Variants in PPFIA2 observed in about 807,000 individuals in gnomAD.
PPFIA2 encodes PPFI scaffold protein A2.
PPFIA2 carries 46 observed loss-of-function variants against 175.5 expected under a neutral mutation model. That is an observed-to-expected ratio of 0.26 (90% confidence interval 0.21 to 0.34). The LOEUF (loss-of-function observed/expected upper bound fraction) is 0.34. Among genes scored for constraint, PPFIA2 ranks in the 10% least tolerant of loss-of-function variants. The pLI, the probability that PPFIA2 is intolerant of heterozygous loss-of-function variation, is 1.00. For synonymous variants in PPFIA2, 568 were observed against 511.4 expected (o/e 1.11, Z -1.49); for missense variants, 1,179 against 1,506.1 (o/e 0.78, Z 3.60).
At chr12:81,386,133 T>A (rs1160080951) in intron 8 of PPFIA2, among the ~76,000 whole-genome samples, 2 of 145,124 alleles carry the variant, frequency 1.4e-5, no homozygotes, top group African/African-American at 5.1e-5. Flanking sequence ...AAAAAAAAAA[T>A]AGGGTGTGGT....
chr12:81,669,086 C>A (rs2070919668), intron 4 of PPFIA2, among the ~76,000 whole-genome samples: 1 of 151,956 alleles, frequency 6.6e-6, no homozygotes, highest in African/African-American at 2.4e-5. Context: ...AGACATACGG[C>A]ATTCTAAATT....
At chr12:81,738,433 T>C (rs1333479785) in intron 3 of PPFIA2, among the ~76,000 whole-genome samples, 16 of 151,830 alleles carry the variant, frequency 1.1e-4, no homozygotes, top group Admixed American at 5.3e-4. Context: ...GAAAGAATAA[T>C]TGGTAACATA....
chr12:81,675,795 TA>T (rs1182481131), intron 4 of PPFIA2: 1 of 152,058 alleles, frequency 6.6e-6, no homozygotes, highest in Non-Finnish European at 1.5e-5. Flanking sequence ...GTAATAGGTC[TA>T]GGGGATAAAT....
chr12:81,613,720 G>A (rs1218013704), intron 4 of PPFIA2, among the ~76,000 whole-genome samples: 1 of 152,092 alleles, frequency 6.6e-6, no homozygotes, highest in Middle Eastern at 3.2e-3. Flanking sequence ...GGAACTTCTA[G>A]TGTATCACTG....
At chr12:81,684,427 T>C (rs973768354) in intron 3 of PPFIA2, among the ~76,000 whole-genome samples, 2 of 152,086 alleles carry the variant, frequency 1.3e-5, no homozygotes, top group African/African-American at 4.8e-5. Context: ...TGAATACCTA[T>C]CATCAGCCTA....
At chr12:81,494,808 A>G (rs1409031608) in intron 4 of PPFIA2, among the ~76,000 whole-genome samples, 1 of 151,734 alleles carries the variant, frequency 6.6e-6, no homozygotes, top group African/African-American at 2.4e-5. Flanking sequence ...CATGGATGAA[A>G]TTGGAAATCA....
Position 81,259,418 on chromosome 12 carries a change from A to G in PPFIA2, c.*276T>C. The G allele has an allele frequency of 1.5e-6, 1 of 660,050 alleles. No homozygotes were observed. Among genetic ancestry groups the G allele is most frequent in the East Asian group, 2.9e-5 (1 of 34,918 alleles). 40.9% of individuals were successfully genotyped at this position (660,050 alleles called of 1,614,324 possible). ...ACAACTGGCTTCATTTCATAAAAGC[A>G]TCTGTTGTACAGAGTTTATGATGTA... is the stretch of plus-strand genomic sequence containing the variant. On this transcript the variant is annotated 3_prime_UTR_variant, in exon 33 of 33. Coordinates refer to ENST00000549396, the MANE Select transcript of PPFIA2 (RefSeq NM_003625.5).
chr12:81,444,110 TC>T (rs950233229), intron 6 of PPFIA2, among the ~76,000 whole-genome samples: 24 of 151,926 alleles, frequency 1.6e-4, no homozygotes, highest in African/African-American at 5.6e-4. Context: ...CGCCTCGGCC[TC>T]CCAAAGTGCT....
chr12:81,581,243 C>T (rs2074359874), intron 4 of PPFIA2, among the ~76,000 whole-genome samples: 1 of 150,160 alleles, frequency 6.7e-6, no homozygotes, highest in Non-Finnish European at 1.5e-5. Context: ...AGTGTTGGGA[C>T]AGGGGTTGAG....
At chr12:81,320,039 ACAGT>A (rs10564564) in intron 22 of PPFIA2, among the ~76,000 whole-genome samples, 23,989 of 151,898 alleles carry the variant, frequency 0.16, 2,024 homozygotes, top group Middle Eastern at 0.22. Context: ...GTTCTGGAAT[ACAGT>A]TCATTTAAAA....
intron 7 of PPFIA2, among the ~76,000 whole-genome samples, chr12:81,416,558 T>C (rs1289182416): frequency 6.6e-6 from 1 of 151,616 alleles, no homozygotes; most frequent in African/African-American, 2.4e-5. Flanking sequence ...AAAAATCCTA[T>C]TCAAAAAGGG....
In PPFIA2 at chr12:81,662,671, A is replaced by G. The variant is rs1412281097; in HGVS notation, c.303+14120T>C. Reference sequence around the variant, plus strand: ...ATCTGAAACTATTCCAATCAATTGAAAAAGAAGTAATCCTCCCTAACTCAT... The same window carrying G: ...ATCTGAAACTATTCCAATCAATTGAGAAAGAAGTAATCCTCCCTAACTCAT... On this transcript the variant is annotated intron_variant, in intron 4 of 32. Transcript: ENST00000549396. Among the ~76,000 whole-genome samples the G allele has an allele frequency of 3.3e-5, 5 of 152,212 alleles. 1 individual carries two copies. The South Asian group carries it at 1.0e-3, about 31-fold the overall frequency.
Position 81,567,198 on chromosome 12 carries a change from C to T in PPFIA2, c.304-109332G>A, listed in dbSNP as rs539083349. Among the ~76,000 whole-genome samples the T allele has an allele frequency of 2.0e-5, 3 of 152,286 alleles. No individual in the cohort carries two copies. The East Asian group carries it at 5.8e-4, about 30-fold the overall frequency. On this transcript the variant is annotated intron_variant, in intron 4 of 32. Transcript: ENST00000549396. ...GAGTAGCTGGGACCACAGGCACCCA[C>T]CACCATGCCTGGCTAATTTCTTTTG...
intron 4 of PPFIA2, among the ~76,000 whole-genome samples, chr12:81,551,288 A>G (rs2153369118): frequency 6.6e-6 from 1 of 152,056 alleles, no homozygotes; most frequent in Middle Eastern, 3.4e-3. Flanking sequence ...CATGGACTAT[A>G]TGTTTTACTA....
intron 24 of PPFIA2, chr12:81,292,850 T>C (rs1467750559): frequency 2.6e-5 from 4 of 152,092 alleles, no homozygotes; most frequent in Non-Finnish European, 5.9e-5. Flanking sequence ...TTTGTGTCTA[T>C]TTAAAAATAA....
rs58602688 is a variant in PPFIA2 at position 81,705,456 on chromosome 12, CA to C, written c.250-28613del. ...GGGGTGACAGAACAAGACTAGGTCT[CA>C]AAAAAAAAAAAAAAAAAGAAAAGAA... On this transcript the variant is annotated intron_variant, in intron 3 of 32. Coordinates refer to ENST00000549396, the MANE Select transcript of PPFIA2 (RefSeq NM_003625.5). 8.5e-3 allele frequency among the ~76,000 whole-genome samples: 473 copies of C among 55,722 alleles called. 2 individuals are homozygous for C. The highest frequency in any genetic ancestry group is 0.054 in the East Asian group (115 of 2,142). 36.6% of individuals were successfully genotyped at this position (55,722 alleles called of 152,430 possible).
chr12:81,726,958 G>A (rs953547113), intron 3 of PPFIA2, among the ~76,000 whole-genome samples: 8 of 151,252 alleles, frequency 5.3e-5, no homozygotes, highest in African/African-American at 1.9e-4. Flanking sequence ...CTTTTTAGCT[G>A]GGTCTTAGAA....
At position 81,476,049 on chromosome 12, in the gene PPFIA2, A is replaced by G. The variant is rs531617254; in HGVS notation, c.304-18183T>C. On this transcript the variant is annotated intron_variant, in intron 4 of 32. Transcript: ENST00000549396. ...TCAAACTGATGTCTTTTTGTTGATG[A>G]TAAGTTTCTTCTAGGCTAGTCTATG... 2.6e-3 allele frequency among the ~76,000 whole-genome samples: 391 copies of G among 152,272 alleles called. 2 individuals are homozygous for G. The highest frequency in any genetic ancestry group is 9.0e-3 in the African/African-American group (375 of 41,562).
At chr12:81,415,712 A>T (rs577804797) in intron 7 of PPFIA2, among the ~76,000 whole-genome samples, 1 of 151,322 alleles carries the variant, frequency 6.6e-6, no homozygotes, top group African/African-American at 2.4e-5. Flanking sequence ...GCAAAAAAAA[A>T]AAAATCAAAT....
Sources: gnomAD v4.1 joint callset for allele counts (sites outside exome capture counted in the v4.1 genomes callset) on GRCh38, gnomAD v4.1.1 for gene constraint, MANE v1.5 for transcripts, NCBI Gene and HGNC (gene_info 2026-07-23, HGNC 2026-07-21) for gene names.